Variants in NT5E observed in about 807,000 individuals in gnomAD.
NT5E encodes the protein 5'-nucleotidase.
Under a neutral mutation model 55.1 loss-of-function variants are expected in NT5E, and 53 were observed. That is an observed-to-expected ratio of 0.96 (90% CI 0.77 to 1.21). The LOEUF (loss-of-function observed/expected upper bound fraction) is 1.21, where lower values mean the gene tolerates loss of function less well. Among genes scored for constraint, NT5E ranks in the 50% most tolerant of loss-of-function variants. The pLI, the probability that NT5E is intolerant of heterozygous loss-of-function variation, is 0.00. For synonymous variants in NT5E, 270 were observed against 278.4 expected (o/e 0.97, Z 0.30); for missense variants, 683 against 724.3 (o/e 0.94, Z 0.65).
rs1405636546 is a variant in NT5E at position 85,492,160 on chromosome 6, T to C, written c.1544T>C (p.Leu515Ser). Residue 515 changes from leucine to serine, a missense_variant, in exon 8 of 9, where the codon TTA (leucine) becomes TCA (serine). By Grantham distance (145) the Leu-to-Ser change is moderately radical (BLOSUM62 -2). Transcript: ENST00000257770. ...GDGFQMIKDE[L>S]LRHDSGDQDI... ...GGGTTCCAGATGATAAAAGATGAAT[T>C]ATTAAGACATGACTCTGGTAAGCAT... 2 of 1,613,890 alleles carry C rather than the reference T, an allele frequency of 1.2e-6. No homozygotes were observed. Among genetic ancestry groups the C allele is most frequent in the African/African-American group, 2.7e-5 (2 of 74,892 alleles).
intron 2 of NT5E, among the ~76,000 whole-genome samples, chr6:85,470,912 T>G (rs1012855543): frequency 3.9e-5 from 6 of 152,218 alleles, no homozygotes; most frequent in African/African-American, 1.4e-4. Context: ...GCTTAGGCAT[T>G]TTCTGCATTG....
chr6:85,460,496 T>C (rs1327803832), intron 1 of NT5E, among the ~76,000 whole-genome samples: 2 of 152,268 alleles, frequency 1.3e-5, no homozygotes, highest in African/African-American at 4.8e-5. Context: ...GTAATACTTT[T>C]AGATAAAGAG....
At chr6:85,491,496 TC>T (rs1769783309) in intron 7 of NT5E, among the ~76,000 whole-genome samples, 1 of 152,212 alleles carries the variant, frequency 6.6e-6, no homozygotes, top group Admixed American at 6.5e-5. Context: ...TCCTCCATTT[TC>T]CCAGAAGGGA....
Position 85,450,207 on chromosome 6 carries a change from C to T in NT5E, c.68C>T (p.Ala23Val), listed in dbSNP as rs1223421523. ...GCCCTGGGCGCGGTGCTGTGGCCTG[C>T]GGCTGGCGCCTGGGAGCTTACGATT... ...LLALGAVLWP[A>V]AGAWELTILH... Residue 23 changes from alanine to valine, a missense_variant, in exon 1 of 9, where the codon GCG becomes GTG. Transcript: ENST00000257770. This position sits in a 1 kb window ranked among gnomAD's most constrained non-coding sequence, Gnocchi z 4.0. 6.2e-7 allele frequency: 1 copy of T among 1,608,344 alleles called. No homozygotes were observed. The highest frequency in any genetic ancestry group is 1.1e-5 in the South Asian group (1 of 90,246).
At position 85,494,410 on chromosome 6, in the gene NT5E, A is replaced by G. The variant is rs904709981; in HGVS notation, c.*406A>G. 9 of 186,220 alleles carry G rather than the reference A, an allele frequency of 4.8e-5. No homozygotes were observed. Among genetic ancestry groups the G allele is most frequent in the Admixed American group, 4.4e-4 (8 of 18,220 alleles). The allele number at this position is 186,220 out of a possible 1,614,324, so 11.5% of individuals were successfully genotyped here. A position where few individuals can be genotyped will look rare whatever the true frequency, so the allele number is the denominator to read the frequency against. ...TTGATATCCACAACTTATTTTTGGT[A>G]GGAAAGAGAGATGTTTTTCCCACCT... On this transcript the variant is annotated 3_prime_UTR_variant, in exon 9 of 9. Transcript: ENST00000257770.
Position 85,489,612 on chromosome 6 carries a change from G to T in NT5E, c.1210+13G>T. The T allele has an allele frequency of 6.4e-7, 1 of 1,568,534 alleles. No individual in the cohort carries two copies. The highest frequency in any genetic ancestry group is 8.8e-7 in the Non-Finnish European group (1 of 1,140,016). ...GAACGCAACAATGGTATGCTCCCAG[G>T]CCCAGCTCCTCAGTGTGTCATGTTC... On this transcript the variant is annotated intron_variant, in intron 6 of 8. Coordinates refer to ENST00000257770, the MANE Select transcript of NT5E (RefSeq NM_002526.4).
At chr6:85,493,720 C>T (rs1364224345) in intron 8 of NT5E, 121 bp from the exon 9 acceptor site, 2 of 781,064 alleles carry the variant, frequency 2.6e-6, no homozygotes, top group East Asian at 2.5e-5. Context: ...GCGTTCTTGT[C>T]TTCTGTGACA....
chr6:85,460,935 G>A (rs1769088565), intron 1 of NT5E, among the ~76,000 whole-genome samples: 1 of 152,114 alleles, frequency 6.6e-6, no homozygotes, highest in Non-Finnish European at 1.5e-5. Flanking sequence ...ATATCCTGCG[G>A]TCTTCCATTA....
chr6:85,486,806 AT>A (rs1467631728), intron 4 of NT5E, among the ~76,000 whole-genome samples: 1 of 152,222 alleles, frequency 6.6e-6, no homozygotes, highest in Non-Finnish European at 1.5e-5. Flanking sequence ...ATACATTTTT[AT>A]ATCATTGATT....
At chr6:85,493,162 T>C (rs552237378) in intron 8 of NT5E, among the ~76,000 whole-genome samples, 23 of 152,254 alleles carry the variant, frequency 1.5e-4, no homozygotes, top group Non-Finnish European at 2.8e-4. Flanking sequence ...TAGAATCACT[T>C]CAGGAGCATT....
Position 85,489,525 on chromosome 6 carries a change from T to C in NT5E, c.1136T>C (p.Met379Thr), listed in dbSNP as rs2229524. 0.077 allele frequency: 124,028 copies of C among 1,612,932 alleles called. 8,596 individuals are homozygous for C. Among genetic ancestry groups the C allele is most frequent in the African/African-American group, 0.38 (28,183 of 74,878 alleles). ...AACAACCTGAGACACACGGATGAAA[T>C]GTTCTGGAACCACGTATCCATGTGC... ...INNNLRHTDE[M>T]FWNHVSMCIL... The change falls in exon 6 of 9, where the codon ATG becomes ACG. Residue 379 changes from methionine (M) to threonine (T), a missense_variant. By Grantham distance (81) the Met-to-Thr change is moderately conservative (BLOSUM62 -1). Coordinates refer to ENST00000257770, the MANE Select transcript of NT5E (RefSeq NM_002526.4).
intron 1 of NT5E, among the ~76,000 whole-genome samples, chr6:85,461,684 G>A (rs979769057): frequency 6.6e-5 from 10 of 152,138 alleles, no homozygotes; most frequent in African/African-American, 1.9e-4. Context: ...TTTTCCAAAG[G>A]TTGAGATGAC....
intron 4 of NT5E, among the ~76,000 whole-genome samples, chr6:85,486,603 T>C (rs1769669195): frequency 6.6e-6 from 1 of 152,182 alleles, no homozygotes; most frequent in South Asian, 2.1e-4. Flanking sequence ...CCTCCCTGAC[T>C]GCACGTCCAT....
chr6:85,450,278 G>A lies in NT5E; in HGVS notation c.139G>A (p.Asp47Asn). ...CAGCCGGCTGGAGCAGACCAGCGAGGACTCCAGCAAGTGCGTCAACGCCAG... is the reference window on the plus strand; with the variant it reads ...CAGCCGGCTGGAGCAGACCAGCGAGAACTCCAGCAAGTGCGTCAACGCCAG... ...VHSRLEQTSE[D>N]SSKCVNASRC... Residue 47 changes from aspartate (D) to asparagine (N), a missense_variant, in exon 1 of 9, where the codon GAC (aspartate) becomes AAC (asparagine). Coordinates refer to ENST00000257770, the MANE Select transcript of NT5E (RefSeq NM_002526.4). This position sits in a 1 kb window ranked among gnomAD's most constrained non-coding sequence, Gnocchi z 4.0. The A allele has an allele frequency of 6.2e-7, 1 of 1,608,576 alleles. No individual in the cohort carries two copies.
At chr6:85,458,865 A>C (rs1244784052) in intron 1 of NT5E, among the ~76,000 whole-genome samples, 1 of 152,096 alleles carries the variant, frequency 6.6e-6, no homozygotes, top group Non-Finnish European at 1.5e-5. Flanking sequence ...GCTCATTCAT[A>C]CATTCTTTCA....
intron 1 of NT5E, among the ~76,000 whole-genome samples, chr6:85,462,736 T>C (rs113790844): frequency 2.6e-5 from 4 of 152,364 alleles, no homozygotes; most frequent in Admixed American, 6.5e-5. Context: ...ATTTGGTGCG[T>C]GAACCATTAA....
rs561962221 is a variant in NT5E at position 85,472,919 on chromosome 6, G to T, written c.751+1494G>T. Among the ~76,000 whole-genome samples the T allele has an allele frequency of 1.2e-3, 181 of 150,096 alleles. 1 individual carries two copies. Among genetic ancestry groups the T allele is most frequent in the African/African-American group, 4.1e-3 (167 of 40,928 alleles). On this transcript the variant is annotated intron_variant, in intron 3 of 8. Coordinates refer to ENST00000257770, the MANE Select transcript of NT5E (RefSeq NM_002526.4). ...GACCAGTAGTAGGGCTTTTTTTTTT[G>T]ACAGATAAGACTAAAATAGATTAGG... is the stretch of plus-strand genomic sequence containing the variant.
chr6:85,474,089 A>G (rs919038299), intron 3 of NT5E, among the ~76,000 whole-genome samples: 1 of 152,174 alleles, frequency 6.6e-6, no homozygotes, highest in African/African-American at 2.4e-5. Context: ...GATTGGTTCT[A>G]GAACTCCCTG....
chr6:85,472,125 C>T (rs182443218), intron 3 of NT5E, among the ~76,000 whole-genome samples: 2 of 152,220 alleles, frequency 1.3e-5, no homozygotes, highest in African/African-American at 4.8e-5. Flanking sequence ...TTTCCCACTT[C>T]CCCCACCTTG....
Sources: allele counts gnomAD v4.1 joint callset (sites outside exome capture counted in the v4.1 genomes callset), GRCh38; gene constraint gnomAD v4.1.1; non-coding constraint Gnocchi (gnomAD v3.1); transcripts MANE v1.5; gene names NCBI Gene and HGNC (gene_info 2026-07-23, HGNC 2026-07-21).